The following ERC1 variants were observed in gnomAD, a reference collection of about 807,000 sequenced individuals.
The protein encoded by ERC1 is RAB6 interacting protein 2.
A neutral mutation model predicts 132.0 loss-of-function variants in ERC1; 56 were observed. The ratio of observed to expected loss-of-function variants is 0.42; its 90% CI spans 0.34 to 0.53. ERC1 has a LOEUF of 0.53. Among genes scored for constraint, ERC1 ranks in the 20% least tolerant of loss-of-function variants. The pLI is 0.03. For synonymous variants in ERC1, 478 were observed against 476.1 expected (o/e 1.00, Z -0.05); for missense variants, 1,202 against 1,349.9 (o/e 0.89, Z 1.72).
chr12:1,272,475 T>G (rs1431095266), intron 14 of ERC1, among the ~76,000 whole-genome samples: 1 of 152,258 alleles, frequency 6.6e-6, no homozygotes, highest in Non-Finnish European at 1.5e-5. Context: ...CAATCTGGTC[T>G]CATATTCTAG....
chr12:1,268,191 A>T (rs1229544684), intron 14 of ERC1, among the ~76,000 whole-genome samples: 2 of 152,204 alleles, frequency 1.3e-5, no homozygotes, highest in Non-Finnish European at 2.9e-5. Context: ...CGTCTTTCTT[A>T]TTGCCTTTTT....
At chr12:1,210,696 T>G (rs892565110) in intron 12 of ERC1, among the ~76,000 whole-genome samples, 1 of 152,166 alleles carries the variant, frequency 6.6e-6, no homozygotes, top group Non-Finnish European at 1.5e-5. Flanking sequence ...AAAGACAGTT[T>G]TAAGATTCTT....
chr12:1,324,255 C>T (rs965671773), intron 15 of ERC1, among the ~76,000 whole-genome samples: 1 of 152,152 alleles, frequency 6.6e-6, no homozygotes, highest in Non-Finnish European at 1.5e-5. Flanking sequence ...AGTCTTCTCT[C>T]GTCATTGGCA....
At chr12:1,147,486 T>C (rs1380422368) in intron 8 of ERC1, among the ~76,000 whole-genome samples, 1 of 152,198 alleles carries the variant, frequency 6.6e-6, no homozygotes, top group Admixed American at 6.5e-5. Context: ...CACTTGATCA[T>C]TGTATATTTT....
intron 16 of ERC1, among the ~76,000 whole-genome samples, chr12:1,384,900 T>C (rs2089146064): frequency 6.6e-6 from 1 of 152,208 alleles, no homozygotes; most frequent in African/African-American, 2.4e-5. Context: ...AATCTAAAAT[T>C]ATGGGTTCTC....
At chr12:1,381,971 A>G (rs2088727275) in intron 16 of ERC1, among the ~76,000 whole-genome samples, 1 of 152,188 alleles carries the variant, frequency 6.6e-6, no homozygotes, top group Non-Finnish European at 1.5e-5. Flanking sequence ...AGAGTTGTTA[A>G]TTGTATTTAT....
chr12:1,362,448 G>GTCTC (rs750785449), intron 15 of ERC1, among the ~76,000 whole-genome samples: 77 of 144,856 alleles, frequency 5.3e-4, no homozygotes, highest in East Asian at 4.5e-3. Context: ...CTCTCTCTCT[G>GTCTC]TCTCTCTCTC....
chr12:1,032,726 A>G (rs1968280793), intron 2 of ERC1, among the ~76,000 whole-genome samples: 1 of 152,228 alleles, frequency 6.6e-6, no homozygotes, highest in Non-Finnish European at 1.5e-5. Context: ...TTCAGTTGAC[A>G]TTTTTGAGTT....
intron 18 of ERC1, among the ~76,000 whole-genome samples, chr12:1,447,333 C>T (rs2093328463): frequency 6.6e-6 from 1 of 152,028 alleles, no homozygotes; most frequent in Admixed American, 6.5e-5. Context: ...GCCTGGGCAA[C>T]ATAGAGAGAC....
chr12:1,246,845 G>A (rs1398984840), intron 13 of ERC1, among the ~76,000 whole-genome samples: 2 of 152,160 alleles, frequency 1.3e-5, no homozygotes, highest in Non-Finnish European at 1.5e-5. Context: ...TAACTGAGCA[G>A]TACACTTTAA....
At chr12:1,440,371 A>AT (rs374749122) in intron 17 of ERC1, among the ~76,000 whole-genome samples, 2,730 of 148,204 alleles carry the variant, frequency 0.018, 46 homozygotes, top group Middle Eastern at 0.033. Flanking sequence ...CGCCCGGCTA[A>AT]TTTTTTTTGT....
At chr12:1,222,542 A>C (rs1959089664) in intron 12 of ERC1, among the ~76,000 whole-genome samples, 1 of 152,112 alleles carries the variant, frequency 6.6e-6, no homozygotes, top group Admixed American at 6.6e-5. Flanking sequence ...ACATTTTATA[A>C]ATATTATAGA....
intron 14 of ERC1, among the ~76,000 whole-genome samples, chr12:1,282,736 C>T (rs943882835): frequency 6.6e-6 from 1 of 152,212 alleles, no homozygotes; most frequent in Non-Finnish European, 1.5e-5. Context: ...CACTCAAGAG[C>T]TTGTTACCTT....
intron 18 of ERC1, among the ~76,000 whole-genome samples, chr12:1,463,266 G>A (rs749357191): frequency 2.0e-5 from 3 of 152,122 alleles, no homozygotes; most frequent in Non-Finnish European, 4.4e-5. Flanking sequence ...CCCTCACTCC[G>A]GGACCGCATC....
chr12:1,050,482 A>C (rs930298667), intron 2 of ERC1, among the ~76,000 whole-genome samples: 45 of 152,268 alleles, frequency 3.0e-4, no homozygotes, highest in South Asian at 6.2e-4. Context: ...AAATTTCTGG[A>C]TCCCTCCCAA....
At chr12:1,395,223 A>G (rs2090427738) in intron 16 of ERC1, among the ~76,000 whole-genome samples, 1 of 152,244 alleles carries the variant, frequency 6.6e-6, no homozygotes, top group African/African-American at 2.4e-5. Context: ...GCACTGGGCC[A>G]TTATAGGCAA....
chr12:1,188,926 A>G (rs545512766), intron 11 of ERC1, among the ~76,000 whole-genome samples: 1 of 152,362 alleles, frequency 6.6e-6, no homozygotes, highest in East Asian at 1.9e-4. Context: ...AGATTCCAGA[A>G]GACAGCTAGG....
chr12:1,370,031 A>G (rs989553548), intron 15 of ERC1, among the ~76,000 whole-genome samples: 3 of 152,206 alleles, frequency 2.0e-5, no homozygotes, highest in African/African-American at 4.8e-5. Flanking sequence ...TTGAAGCTCA[A>G]TTATCTTAAC....
rs766381798 is a variant in ERC1, at chr12:1,196,905, TACACACACACACACACACACAC to T, written c.2351+6889_2351+6910del. Among the ~76,000 whole-genome samples the T allele has an allele frequency of 2.5e-3, 146 of 57,722 alleles. 1 individual carries two copies. The highest frequency in any genetic ancestry group is 3.5e-3 in the Non-Finnish European group (109 of 31,124). The allele number at this position is 57,722 out of a possible 152,430, so 37.9% of individuals were successfully genotyped here. A position where few individuals can be genotyped will look rare whatever the true frequency, so the allele number is the denominator to read the frequency against. On this transcript the variant is annotated intron_variant, in intron 12 of 18. Transcript: ENST00000360905. The stretch of plus-strand genomic sequence containing the variant: ...GTCTGTCTGTCTCTCTCTGTCTCTC[TACACACACACACACACACACAC>T]ACACACACACACACACACACACACA...
Sources: allele counts gnomAD v4.1 joint callset (sites outside exome capture counted in the v4.1 genomes callset), GRCh38; gene constraint gnomAD v4.1.1; transcripts MANE v1.5; gene names NCBI Gene and HGNC (gene_info 2026-07-23, HGNC 2026-07-21).